TET1: variants seen among roughly 807,000 people sequenced by gnomAD.
TET1 encodes methylcytosine dioxygenase TET1.
In TET1, 13 loss-of-function variants were observed where a neutral mutation model predicts 148.7. That is an observed-to-expected ratio of 0.09 (90% CI 0.06 to 0.14). The LOEUF is 0.14. Ranked by LOEUF, TET1 falls within the 10% of genes least tolerant of loss-of-function variation. The pLI is 1.00. For missense variants in TET1, 2,182 were observed against 2,553.8 expected, an observed-to-expected ratio of 0.85 and a Z score of 3.14; for synonymous variants, 907 against 937.2, an observed-to-expected ratio of 0.97 and a Z score of 0.59.
At chr10:68,587,881 T>C (rs2053877591) in intron 2 of TET1, among the ~76,000 whole-genome samples, 1 of 152,166 alleles carries the variant, frequency 6.6e-6, no homozygotes, top group Non-Finnish European at 1.5e-5. Flanking sequence ...TTGTTGTTTT[T>C]GTTTTGTTTT....
intron 3 of TET1, among the ~76,000 whole-genome samples, chr10:68,635,814 A>G (rs2054641253): frequency 6.6e-6 from 1 of 152,216 alleles, no homozygotes; most frequent in Non-Finnish European, 1.5e-5. Context: ...CAACAAACCG[A>G]GACTCAGTCT....
chr10:68,581,995 A>G (rs189086894), intron 2 of TET1, among the ~76,000 whole-genome samples: 264 of 152,310 alleles, frequency 1.7e-3, no homozygotes, highest in African/African-American at 6.2e-3. Context: ...GTCAAACTGA[A>G]ATAATCTCTC....
intron 6 of TET1, among the ~76,000 whole-genome samples, chr10:68,657,864 A>G (rs1365226240): frequency 2.0e-5 from 3 of 152,196 alleles, no homozygotes; most frequent in Non-Finnish European, 4.4e-5. Context: ...ATTTTAAAAA[A>G]GAATTAATTT....
At chr10:68,682,226 C>T (rs1305588346) in intron 9 of TET1, among the ~76,000 whole-genome samples, 1 of 149,206 alleles carries the variant, frequency 6.7e-6, no homozygotes, top group Non-Finnish European at 1.5e-5. Flanking sequence ...ATTCTCCTGC[C>T]TCAGCCTCCC....
rs756749901 is a variant in TET1, at chr10:68,646,079, A to G, written c.3350A>G (p.Asn1117Ser). The G allele has an allele frequency of 1.6e-5, 26 of 1,614,142 alleles. No homozygotes were observed. Among genetic ancestry groups the G allele is most frequent in the Non-Finnish European group, 2.1e-5 (25 of 1,180,022 alleles). ...ACATGTAATGTACAGCAAAAATACA[A>G]TCAGGAGAAGGGCACAATACAACAG... ...LVTCNVQQKY[N>S]QEKGTIQQKP... The change falls in exon 4 of 12, where the codon AAT (asparagine) becomes AGT (serine). Residue 1117 changes from asparagine to serine, a missense_variant. Physicochemically the swap from Asn to Ser is conservative, Grantham distance 46 (BLOSUM62 1). Transcript: ENST00000373644.
At position 68,693,026 on chromosome 10, in the gene TET1, A is replaced by T. The variant is rs919922949; in HGVS notation, c.*1212A>T. 9 of 230,856 alleles carry T rather than the reference A, an allele frequency of 3.9e-5. No individual in the cohort carries two copies. Among genetic ancestry groups the T allele is most frequent in the South Asian group, 1.9e-4 (1 of 5,396 alleles). 14.3% of individuals were successfully genotyped at this position (230,856 alleles called of 1,614,324 possible). A position where few individuals can be genotyped will look rare whatever the true frequency, so the allele number is the denominator to read the frequency against. On this transcript the variant is annotated 3_prime_UTR_variant, in exon 12 of 12. Coordinates refer to ENST00000373644, the MANE Select transcript of TET1 (RefSeq NM_030625.3). ...TCCCCAACCCCAAGTCAAAAACAAG[A>T]GGAATGGTACTACAAACATGGCTTT...
At chr10:68,632,270 C>G (rs1481318082) in intron 3 of TET1, 2 of 972,102 alleles carry the variant, frequency 2.1e-6, no homozygotes, top group Non-Finnish European at 3.0e-6. Context: ...TGCAGTGAGC[C>G]GAGATCCCGC....
At chr10:68,592,782 C>T (rs770047339) in intron 2 of TET1, among the ~76,000 whole-genome samples, 8 of 152,254 alleles carry the variant, frequency 5.3e-5, no homozygotes, top group Non-Finnish European at 7.4e-5. Flanking sequence ...CCCTGGGAAG[C>T]CTCCTCTGGG....
chr10:68,583,928 A>G (rs2053830445), intron 2 of TET1, among the ~76,000 whole-genome samples: 1 of 152,126 alleles, frequency 6.6e-6, no homozygotes, highest in East Asian at 1.9e-4. Flanking sequence ...ACATGCTTAT[A>G]TTAACTTCCA....
rs1554810423 is a variant in TET1, at chr10:68,664,693, T to TA, written c.4462-2351dup. On this transcript the variant is annotated intron_variant, in intron 6 of 11. Transcript: ENST00000373644. ...GCATTTTTTTTTTTTTTTTTTTTTT[T>TA]ACTCTGTTGCCCAGGCTGAAGTTCA... 4.6e-3 allele frequency among the ~76,000 whole-genome samples: 686 copies of TA among 148,636 alleles called. 9 individuals carry two copies. The highest frequency in any genetic ancestry group is 0.016 in the African/African-American group (646 of 40,232).
intron 2 of TET1, among the ~76,000 whole-genome samples, chr10:68,576,249 G>A (rs954588384): frequency 6.6e-6 from 1 of 151,698 alleles, no homozygotes; most frequent in Non-Finnish European, 1.5e-5. Context: ...TACTTTGGAG[G>A]CTCAGGCACA....
At position 68,646,047 on chromosome 10, in the gene TET1, C is replaced by A; in HGVS notation, c.3318C>A (p.Ser1106Arg). ...AAAAAGTTGAAAGTACACCAACAAG[C>A]CTTGTCACATGTAATGTACAGCAAA... ...EDKKVESTPT[S>R]LVTCNVQQKY... The change falls in exon 4 of 12, where the codon AGC becomes AGA. Residue 1106 changes from serine (S) to arginine (R), a missense_variant. Around this residue, in one of 11 missense-constraint regions of TET1, gnomAD observed 582 missense variants for 599.5 expected, o/e 0.97. Coordinates refer to ENST00000373644, the MANE Select transcript of TET1 (RefSeq NM_030625.3). The A allele has an allele frequency of 1.2e-6, 2 of 1,614,050 alleles. No individual in the cohort carries two copies. Among genetic ancestry groups the A allele is most frequent in the African/African-American group, 1.3e-5 (1 of 75,014 alleles).
At chr10:68,660,656 A>G (rs922930634) in intron 6 of TET1, among the ~76,000 whole-genome samples, 1 of 140,658 alleles carries the variant, frequency 7.1e-6, no homozygotes, top group Admixed American at 7.2e-5. Flanking sequence ...TTTACTTTTT[A>G]AAAAACTATT....
chr10:68,576,112 T>G (rs1481446223), intron 2 of TET1, among the ~76,000 whole-genome samples: 1 of 151,834 alleles, frequency 6.6e-6, no homozygotes, highest in Non-Finnish European at 1.5e-5. Flanking sequence ...TCCCAGAACT[T>G]TGGGAGGCTG....
chr10:68,640,111 G>A (rs2133062980), intron 3 of TET1, among the ~76,000 whole-genome samples: 1 of 151,790 alleles, frequency 6.6e-6, no homozygotes, highest in East Asian at 1.9e-4. Flanking sequence ...CTTTTTAGTA[G>A]AACCGGGGTT....
chr10:68,591,718 C>T (rs1015599789), intron 2 of TET1, among the ~76,000 whole-genome samples: 2 of 151,742 alleles, frequency 1.3e-5, no homozygotes, highest in Non-Finnish European at 2.9e-5. Context: ...CTGGCTAACA[C>T]GGTGAAACCC....
intron 3 of TET1, among the ~76,000 whole-genome samples, chr10:68,627,664 A>G (rs1050513169): frequency 6.6e-6 from 1 of 151,822 alleles, no homozygotes; most frequent in African/African-American, 2.4e-5. Flanking sequence ...GCGGTGGCTC[A>G]CGCTGTAATC....
intron 7 of TET1, among the ~76,000 whole-genome samples, chr10:68,671,290 A>G (rs750659814): frequency 5.9e-5 from 9 of 152,228 alleles, no homozygotes; most frequent in Admixed American, 1.3e-4. Context: ...ATAAGTGAGA[A>G]CATGCAATAT....
chr10:68,661,860 AT>A (rs1378371140), intron 6 of TET1, among the ~76,000 whole-genome samples: 20 of 142,080 alleles, frequency 1.4e-4, no homozygotes, highest in African/African-American at 5.0e-4. Flanking sequence ...GGGTTTTTTA[AT>A]TTAAAAAAAA....
Sources: gnomAD v4.1 joint callset for allele counts (sites outside exome capture counted in the v4.1 genomes callset) on GRCh38, gnomAD v4.1.1 for gene constraint, gnomAD v4.1.1 regional missense constraint, MANE v1.5 for transcripts, NCBI Gene and HGNC (gene_info 2026-07-23, HGNC 2026-07-21) for gene names.